SAMD4A: variants seen among roughly 807,000 people sequenced by gnomAD.
The protein encoded by SAMD4A is sterile alpha motif domain containing 4A.
In SAMD4A, 33 loss-of-function variants were observed where a neutral mutation model predicts 81.3. That is an observed-to-expected ratio of 0.41 (90% CI 0.31 to 0.54). The LOEUF is 0.54. Ranked by LOEUF, SAMD4A falls within the 20% of genes least tolerant of loss-of-function variation. The pLI is 0.37. For synonymous variants in SAMD4A, 389 were observed against 382.1 expected (o/e 1.02, Z -0.21); for missense variants, 854 against 951.1 (o/e 0.90, Z 1.34).
At chr14:54,634,755 GTCTGTCTA>G (rs1436650489) in intron 2 of SAMD4A, among the ~76,000 whole-genome samples, 6,147 of 91,198 alleles carry the variant, frequency 0.067, 171 homozygotes, top group East Asian at 0.2. Flanking sequence ...CTGTCTGTCT[GTCTGTCTA>G]TCTATCTATC....
intron 3 of SAMD4A, chr14:54,734,967 GA>G (rs1041501982): frequency 4.6e-5 from 7 of 152,102 alleles, no homozygotes; most frequent in African/African-American, 1.7e-4. Context: ...CTATACAGAG[GA>G]ACCCCCACTT....
chr14:54,664,808 CCAA>C (rs2035720722), intron 2 of SAMD4A, among the ~76,000 whole-genome samples: 1 of 135,202 alleles, frequency 7.4e-6, no homozygotes. Flanking sequence ...TTATGTGAAT[CCAA>C]CACACACACA....
At chr14:54,745,151 C>A (rs559626833) in intron 4 of SAMD4A, among the ~76,000 whole-genome samples, 2 of 152,328 alleles carry the variant, frequency 1.3e-5, no homozygotes, top group African/African-American at 4.8e-5. Context: ...GCCAGGCCAG[C>A]CTTTACATTG....
At chr14:54,693,148 T>C (rs1035211784) in intron 2 of SAMD4A, 2 of 152,192 alleles carry the variant, frequency 1.3e-5, no homozygotes, top group Non-Finnish European at 2.9e-5. Flanking sequence ...GTAAAGACTT[T>C]GAAAATTGAG....
intron 2 of SAMD4A, among the ~76,000 whole-genome samples, chr14:54,630,851 C>T (rs577588029): frequency 6.7e-6 from 1 of 150,248 alleles, no homozygotes; most frequent in East Asian, 2.0e-4. Flanking sequence ...AATGTAACTA[C>T]ATATTTATAA....
At chr14:54,613,717 T>A (rs2034422359) in intron 2 of SAMD4A, among the ~76,000 whole-genome samples, 1 of 152,244 alleles carries the variant, frequency 6.6e-6, no homozygotes, top group Non-Finnish European at 1.5e-5. Context: ...TTTCACATGG[T>A]ATTGCTTTTA....
chr14:54,566,200 C>A (rs1243424566), upstream of SAMD4A, among the ~76,000 whole-genome samples: 1 of 151,444 alleles, frequency 6.6e-6, no homozygotes, highest in Non-Finnish European at 1.5e-5. Flanking sequence ...CCGCCCGCCC[C>A]GACGGCATGG....
At chr14:54,631,519 A>C (rs545064182) in intron 2 of SAMD4A, among the ~76,000 whole-genome samples, 1 of 152,174 alleles carries the variant, frequency 6.6e-6, no homozygotes, top group Admixed American at 6.5e-5. Flanking sequence ...TTTCATGTGA[A>C]GGTATAACAA....
At chr14:54,774,834 AATG>A (rs1402568305) in intron 9 of SAMD4A, 97 bp from the exon 10 acceptor site, 1 of 991,514 alleles carries the variant, frequency 1.0e-6, no homozygotes, top group Non-Finnish European at 1.5e-6. Flanking sequence ...AAAAAAAAAA[AATG>A]AGGAGACCTC....
At chr14:54,698,514 A>G (rs2036630368) in intron 2 of SAMD4A, among the ~76,000 whole-genome samples, 1 of 152,242 alleles carries the variant, frequency 6.6e-6, no homozygotes, top group Non-Finnish European at 1.5e-5. Flanking sequence ...GGCTAGTAAT[A>G]GGACCTACCT....
At chr14:54,736,335 A>G (rs1253709382) in intron 3 of SAMD4A, among the ~76,000 whole-genome samples, 1 of 152,172 alleles carries the variant, frequency 6.6e-6, no homozygotes, top group Non-Finnish European at 1.5e-5. Flanking sequence ...TGTTTGCAAT[A>G]CAAAGTTTGG....
intron 2 of SAMD4A, among the ~76,000 whole-genome samples, chr14:54,630,423 C>T (rs61975157): frequency 0.065 from 9,894 of 152,138 alleles, 378 homozygotes; most frequent in African/African-American, 0.09. Flanking sequence ...TTGCATTTCC[C>T]GAATGATGGG....
intron 6 of SAMD4A, among the ~76,000 whole-genome samples, chr14:54,758,843 A>G (rs1466158345): frequency 6.6e-6 from 1 of 152,138 alleles, no homozygotes; most frequent in Non-Finnish European, 1.5e-5. Context: ...AAAAAAAAAA[A>G]TTAAATACTT....
intron 2 of SAMD4A, among the ~76,000 whole-genome samples, chr14:54,676,843 G>T (rs2036004301): frequency 6.6e-6 from 1 of 152,238 alleles, no homozygotes; most frequent in Non-Finnish European, 1.5e-5. Context: ...GGGTTAAAGA[G>T]ATTTGGACTC....
chr14:54,753,188 G>C (rs1262971922), intron 6 of SAMD4A, among the ~76,000 whole-genome samples: 1 of 152,210 alleles, frequency 6.6e-6, no homozygotes, highest in Non-Finnish European at 1.5e-5. Flanking sequence ...TGTTGGGCTG[G>C]GGGACGGTCA....
intron 2 of SAMD4A, among the ~76,000 whole-genome samples, chr14:54,572,637 G>A (rs2033162459): frequency 6.6e-6 from 1 of 152,304 alleles, no homozygotes; most frequent in Middle Eastern, 3.4e-3. Context: ...TCATAGGAGG[G>A]CATAAGTTGT....
chr14:54,627,820 G>T (rs1418608282), intron 2 of SAMD4A, among the ~76,000 whole-genome samples: 1 of 152,174 alleles, frequency 6.6e-6, no homozygotes, highest in Non-Finnish European at 1.5e-5. Flanking sequence ...ACAATTGCTC[G>T]TTTCATGCAG....
At chr14:54,716,496 G>A (rs895358732) in intron 3 of SAMD4A, among the ~76,000 whole-genome samples, 2 of 152,112 alleles carry the variant, frequency 1.3e-5, no homozygotes, top group African/African-American at 4.8e-5. Context: ...TACACAGTGG[G>A]TATATTTCCA....
intron 2 of SAMD4A, among the ~76,000 whole-genome samples, chr14:54,645,966 T>G (rs919385830): frequency 6.6e-5 from 10 of 152,270 alleles, no homozygotes; most frequent in African/African-American, 2.4e-4. Flanking sequence ...TGTTAGAGGC[T>G]TTCCTAAACT....
Sources: allele counts gnomAD v4.1 joint callset (sites outside exome capture counted in the v4.1 genomes callset), GRCh38; gene constraint gnomAD v4.1.1; transcripts MANE v1.5; gene names NCBI Gene and HGNC (gene_info 2026-07-23, HGNC 2026-07-21).